NOL4: variants seen among roughly 807,000 people sequenced by gnomAD.
The protein encoded by NOL4 is cancer/testis antigen 125.
Under a neutral mutation model 75.9 loss-of-function variants are expected in NOL4, and 17 were observed. The ratio of observed to expected loss-of-function variants is 0.22; its 90% CI spans 0.15 to 0.34. The LOEUF is 0.34. Ranked by LOEUF, NOL4 falls within the 10% of genes least tolerant of loss-of-function variation. The pLI, the probability that NOL4 is intolerant of heterozygous loss-of-function variation, is 1.00. For missense variants in NOL4, 614 were observed against 793.5 expected (o/e 0.77, Z 2.72); for synonymous variants, 292 against 289.9 (o/e 1.01, Z -0.07).
intron 6 of NOL4, among the ~76,000 whole-genome samples, chr18:33,976,670 G>A (rs2071512136): frequency 6.6e-6 from 1 of 152,046 alleles, no homozygotes; most frequent in South Asian, 2.1e-4. Flanking sequence ...ATGAATTTCT[G>A]TAAGTCTGAT....
At chr18:34,120,669 A>G (rs1037113110) in intron 2 of NOL4, among the ~76,000 whole-genome samples, 2 of 152,192 alleles carry the variant, frequency 1.3e-5, no homozygotes, top group Non-Finnish European at 2.9e-5. Flanking sequence ...CATTCAACAC[A>G]GAGTAAAAGA....
At chr18:33,857,834 C>G (rs746123914) in intron 10 of NOL4, among the ~76,000 whole-genome samples, 1 of 152,088 alleles carries the variant, frequency 6.6e-6, no homozygotes, top group Non-Finnish European at 1.5e-5. Context: ...TATGTTTTAA[C>G]AAACTTTGTA....
chr18:34,187,201 T>C (rs2034527515), intron 1 of NOL4, among the ~76,000 whole-genome samples: 1 of 152,128 alleles, frequency 6.6e-6, no homozygotes, highest in African/African-American at 2.4e-5. Flanking sequence ...TCCCTCCTCC[T>C]TAACCCCATA....
chr18:34,018,045 A>G (rs2074807330), intron 6 of NOL4, among the ~76,000 whole-genome samples: 1 of 152,188 alleles, frequency 6.6e-6, no homozygotes, highest in Non-Finnish European at 1.5e-5. Context: ...AAGGGAATAA[A>G]AAAAAGAAGA....
rs920574065 is a variant in NOL4 at position 34,095,628 on chromosome 18, G to A, written c.640-2031C>T. ...ACAGAGTCACATGTGGAGTGAGGGC[G>A]TGTACTATATTTAAAGTATCTAGAA... On this transcript the variant is annotated intron_variant, in intron 4 of 10. Coordinates refer to ENST00000261592, the MANE Select transcript of NOL4 (RefSeq NM_003787.5). Among the ~76,000 whole-genome samples the A allele has an allele frequency of 7.9e-5, 12 of 152,180 alleles. No homozygotes were observed. In the East Asian group the frequency reaches 1.7e-3, roughly 22 times the overall value.
intron 10 of NOL4, among the ~76,000 whole-genome samples, chr18:33,855,967 A>G (rs776494471): frequency 6.6e-6 from 1 of 151,958 alleles, no homozygotes; most frequent in Non-Finnish European, 1.5e-5. Flanking sequence ...AGGGCCCCTT[A>G]GGACAAAGTT....
At chr18:34,030,015 G>T (rs1335570901) in intron 5 of NOL4, among the ~76,000 whole-genome samples, 1 of 152,166 alleles carries the variant, frequency 6.6e-6, no homozygotes, top group Non-Finnish European at 1.5e-5. Flanking sequence ...TTATTAAGTA[G>T]TGGGAAATGT....
intron 1 of NOL4, among the ~76,000 whole-genome samples, chr18:34,152,554 A>G (rs1445752744): frequency 6.6e-6 from 1 of 151,962 alleles, no homozygotes; most frequent in Non-Finnish European, 1.5e-5. Flanking sequence ...ACTATGTATA[A>G]AACTGCAGAT....
chr18:34,093,508 T>C lies in NOL4; in HGVS notation c.729A>G (p.Glu243=). The change falls in exon 5 of 11, where the codon GAA becomes GAG. Residue 243 remains glutamate (E), a synonymous_variant. Transcript: ENST00000261592. ...GATTCTGGGGACTTTGCATTCTTTC[T>C]TCAAGATTGGAGCTAAGATCAGAGT... The part of the protein sequence containing the change: ...AVNSDLSSNL[E]ERMQSPQNLH... 6.2e-7 allele frequency: 1 copy of C among 1,607,476 alleles called. No homozygotes were observed. Among genetic ancestry groups the C allele is most frequent in the Non-Finnish European group, 8.5e-7 (1 of 1,176,002 alleles).
rs537993787 is a variant in NOL4 at position 34,129,983 on chromosome 18, C to T, written c.302G>A (p.Arg101Gln). The T allele has an allele frequency of 4.4e-6, 7 of 1,593,560 alleles. No homozygotes were observed. The highest frequency in any genetic ancestry group is 2.3e-5 in the East Asian group (1 of 43,834). ...VGVDEKLSLR[R>Q]VAVVEDFFDI... Reference sequence around the variant, plus strand: ...AAAGAAATCTTCAACCACAGCTACCCGTCGTAAAGATAGCTTCTCATCTAC... The same window carrying T: ...AAAGAAATCTTCAACCACAGCTACCTGTCGTAAAGATAGCTTCTCATCTAC... The change falls in exon 2 of 11, where the codon CGG becomes CAG. Residue 101 changes from arginine to glutamine, a missense_variant. Physicochemically the swap from Arg to Gln is conservative, Grantham distance 43. This residue lies in a region of NOL4 where 135 missense variants were observed against 220.4 expected (regional missense o/e 0.61). Coordinates refer to ENST00000261592, the MANE Select transcript of NOL4 (RefSeq NM_003787.5).
chr18:34,193,872 T>C (rs1056285742), intron 1 of NOL4, among the ~76,000 whole-genome samples: 15 of 152,168 alleles, frequency 9.9e-5, no homozygotes, highest in African/African-American at 3.6e-4. Flanking sequence ...AAATGTGGTA[T>C]GCATACACAA....
At chr18:33,865,437 C>T (rs918652520) in intron 10 of NOL4, among the ~76,000 whole-genome samples, 1 of 151,516 alleles carries the variant, frequency 6.6e-6, no homozygotes, top group Non-Finnish European at 1.5e-5. Flanking sequence ...TTTGATCTGC[C>T]GTTGGTTCAG....
chr18:33,937,499 T>C (rs1292056926), intron 9 of NOL4, among the ~76,000 whole-genome samples: 1 of 152,122 alleles, frequency 6.6e-6, no homozygotes, highest in Non-Finnish European at 1.5e-5. Context: ...TGAACTTTTG[T>C]GTGCCTACAG....
chr18:34,054,074 C>T (rs943188775), intron 5 of NOL4, among the ~76,000 whole-genome samples: 2 of 151,808 alleles, frequency 1.3e-5, no homozygotes, highest in East Asian at 1.9e-4. Flanking sequence ...TTTTTAAATG[C>T]TAGATAGTTG....
intron 5 of NOL4, among the ~76,000 whole-genome samples, chr18:34,032,147 C>A (rs963303875): frequency 6.6e-5 from 10 of 152,230 alleles, no homozygotes; most frequent in African/African-American, 2.2e-4. Flanking sequence ...AAGAAGCCAG[C>A]TACCACAGCA....
intron 5 of NOL4, among the ~76,000 whole-genome samples, chr18:34,037,567 C>A (rs1003965896): frequency 2.6e-5 from 4 of 152,078 alleles, no homozygotes; most frequent in African/African-American, 9.6e-5. Context: ...AAAATAAACA[C>A]ATAGACTAAT....
At chr18:34,136,105 T>G (rs1202427939) in intron 1 of NOL4, among the ~76,000 whole-genome samples, 2 of 152,070 alleles carry the variant, frequency 1.3e-5, no homozygotes, top group East Asian at 3.9e-4. Context: ...TTTCCATAGA[T>G]CCAGGAAAAA....
chr18:33,970,817 T>C lies in NOL4; in HGVS notation c.1057-12399A>G, dbSNP rs183931544. On this transcript the variant is annotated intron_variant, in intron 6 of 10. Transcript: ENST00000261592. ...TCTCTCGGAGTTTCCAGGCCTCATC[T>C]GGACAATTATATGTTTGATACAATA... 5.1e-3 allele frequency among the ~76,000 whole-genome samples: 776 copies of C among 152,218 alleles called. 5 individuals are homozygous for C. Among genetic ancestry groups the C allele is most frequent in the Non-Finnish European group, 8.5e-3 (578 of 68,018 alleles).
chr18:34,091,792 G>T (rs548472540), intron 5 of NOL4, among the ~76,000 whole-genome samples: 2 of 152,142 alleles, frequency 1.3e-5, no homozygotes, highest in East Asian at 3.9e-4. Context: ...AGAAATGTAA[G>T]AAAAAAGTAT....
Sources: gnomAD v4.1 joint callset for allele counts (sites outside exome capture counted in the v4.1 genomes callset) on GRCh38, gnomAD v4.1.1 for gene constraint, gnomAD v4.1.1 regional missense constraint, MANE v1.5 for transcripts, NCBI Gene and HGNC (gene_info 2026-07-23, HGNC 2026-07-21) for gene names.